The following NONO variants were observed in gnomAD, a reference collection of about 807,000 sequenced individuals.
NONO encodes non-POU domain containing octamer binding.
NONO carries 6 observed loss-of-function variants against 40.2 expected under a neutral mutation model. That is an observed-to-expected ratio of 0.15 (90% CI 0.08 to 0.29). NONO has a LOEUF of 0.29. NONO is among the 10% of genes least tolerant of loss of function. The pLI, the probability that NONO is intolerant of heterozygous loss-of-function variation, is 1.00. For missense variants in NONO, 133 were observed against 397.8 expected (o/e 0.33, Z 5.66); for synonymous variants, 89 against 123.3 (o/e 0.72, Z 1.85).
chrX:71,289,314 CAG>C (rs1377699924), intron 2 of NONO, among the ~76,000 whole-genome samples: 3 of 110,826 alleles, frequency 2.7e-5, no homozygotes, highest in African/African-American at 9.8e-5. Context: ...ATTTTCGAGA[CAG>C]AGTCTAGCTC....
chrX:71,298,802 G>A lies in NONO; in HGVS notation c.1267G>A (p.Gly423Arg). The A allele has an allele frequency of 8.3e-7, 1 of 1,201,158 alleles. No individual in the cohort carries two copies. The highest frequency in any genetic ancestry group is 1.1e-6 in the Non-Finnish European group (1 of 886,437). ...AGGACCTGCCACTATGATGCCGGAT[G>A]GAACTTTGGGATTGGTAATAAAACT... ...PPGPATMMPD[G>R]TLGLTPPTTE... The change falls in exon 11 of 12, where the codon GGA becomes AGA. Residue 423 changes from glycine (G) to arginine (R), a missense_variant. Around this residue, in one of 3 missense-constraint regions of NONO, gnomAD observed 73 missense variants for 162.2 expected, o/e 0.45. Coordinates refer to ENST00000276079, the MANE Select transcript of NONO (RefSeq NM_007363.5).
chrX:71,288,253 CCTGT>C (rs1055281975), intron 2 of NONO, among the ~76,000 whole-genome samples: 7 of 103,367 alleles, frequency 6.8e-5, no homozygotes, highest in Admixed American at 3.3e-4. Flanking sequence ...TGCTATCATG[CCTGT>C]CTAATTTTTT....
At chrX:71,288,475 TCCG>T (rs2031251458) in intron 2 of NONO, among the ~76,000 whole-genome samples, 1 of 111,682 alleles carries the variant, frequency 9.0e-6, no homozygotes, top group South Asian at 3.7e-4. Flanking sequence ...CACGGCAACC[TCCG>T]CCTCCCAGGT....
intron 4 of NONO, chrX:71,292,248 C>T (rs1160034450): frequency 1.2e-5 from 2 of 161,162 alleles, no homozygotes; most frequent in Non-Finnish European, 2.3e-5. Flanking sequence ...CCCAGGCTGG[C>T]GTGCAGTGGC....
chrX:71,288,119 C>CTTTTTTTTTTTTTTTT (rs41517053), intron 2 of NONO, among the ~76,000 whole-genome samples: 9 of 53,862 alleles, frequency 1.7e-4, no homozygotes, highest in African/African-American at 4.1e-4. Context: ...TTATTTTTAT[C>CTTTTTTTTTTTTTTTT]TTTTTTTTTT....
chrX:71,284,737 G>C (rs1211134575), intron 2 of NONO, among the ~76,000 whole-genome samples: 1 of 111,696 alleles, frequency 9.0e-6, no homozygotes, highest in African/African-American at 3.3e-5. Flanking sequence ...CAGCTTTCAG[G>C]CTGGCCATCC....
intron 8 of NONO, 51 bp from the exon 9 acceptor site, chrX:71,297,785 G>A: frequency 3.1e-6 from 3 of 966,433 alleles, no homozygotes; most frequent in Non-Finnish European, 4.4e-6. Flanking sequence ...CTGTTAATCT[G>A]CTCAAGTTCT....
At chrX:71,297,984 A>T in intron 9 of NONO, 46 bp downstream of exon 9, 1 of 866,319 alleles carries the variant, frequency 1.2e-6, no homozygotes, top group Non-Finnish European at 1.7e-6. Flanking sequence ...GTCCTGATAA[A>T]CTCACCATGA....
chrX:71,296,821 AAGTT>A (rs1274087348), intron 6 of NONO, 26 bp from the exon 7 acceptor site: 11 of 1,176,716 alleles, frequency 9.3e-6, no homozygotes, highest in African/African-American at 3.6e-5. Context: ...ATTCTGGACA[AAGTT>A]AGTAACCTAG....
In NONO at chrX:71,296,950, G is replaced by A. The variant is rs768900398; in HGVS notation, c.846G>A (p.Gln282=). 8.3e-7 allele frequency: 1 copy of A among 1,210,157 alleles called. No homozygotes were observed. The highest frequency in any genetic ancestry group is 3.0e-5 in the East Asian group (1 of 33,844). The change falls in exon 7 of 12, where the codon CAG becomes CAA. Residue 282 remains glutamine, a synonymous_variant. Coordinates refer to ENST00000276079, the MANE Select transcript of NONO (RefSeq NM_007363.5). ...KALIEMEKQQ[Q]DQVDRNIKEA... is the part of the protein sequence containing the mutation. ...TCATTGAGATGGAGAAGCAGCAGCA[G>A]GACCAAGTGGACCGCAACATCAAGG... is the stretch of plus-strand genomic sequence containing the variant.
chrX:71,288,320 C>CT (rs1238114478), intron 2 of NONO, among the ~76,000 whole-genome samples: 20 of 109,470 alleles, frequency 1.8e-4, no homozygotes, highest in African/African-American at 6.3e-4. Context: ...AGGCTGGTCT[C>CT]TAACTACTGG....
At chrX:71,295,716 G>A (rs1275507228) in intron 5 of NONO, among the ~76,000 whole-genome samples, 4 of 110,183 alleles carry the variant, frequency 3.6e-5, no homozygotes, top group South Asian at 7.7e-4. Context: ...ACTTGAACCC[G>A]GGAGGCAGAG....
chrX:71,294,172 C>T, intron 4 of NONO, 55 bp from the exon 5 acceptor site: 2 of 1,122,631 alleles, frequency 1.8e-6, no homozygotes, highest in South Asian at 3.8e-5. Flanking sequence ...CTGTTGATGG[C>T]TGCTAAGGTG....
At chrX:71,286,203 G>A (rs1156492734) in intron 2 of NONO, among the ~76,000 whole-genome samples, 1 of 111,291 alleles carries the variant, frequency 9.0e-6, no homozygotes, top group African/African-American at 3.3e-5. Context: ...TAACATTAAT[G>A]AGAAACAAAA....
chrX:71,296,101 AT>A, intron 5 of NONO, among the ~76,000 whole-genome samples: 1 of 104,367 alleles, frequency 9.6e-6, no homozygotes, highest in Non-Finnish European at 2.0e-5. Flanking sequence ...CTAAGTCCTG[AT>A]TTCGTCCTGT....
At chrX:71,284,188 T>G (rs2148025283) in intron 1 of NONO, 1 of 112,578 alleles carries the variant, frequency 8.9e-6, no homozygotes, top group East Asian at 2.8e-4. Context: ...GCTGGAAAGT[T>G]CCTCTGCATA....
Position 71,294,223 on chromosome X carries a change from C to G in NONO, c.349-4C>G. On this transcript the variant is annotated splice_region_variant and splice_polypyrimidine_tract_variant and intron_variant, in intron 4 of 11. Transcript: ENST00000276079. Reference sequence around the variant, plus strand: ...AGTTATTCTGATTTTCCTCTGCTTCCTAGGAAACCCGAACCCTAGCGGAGA... The same window carrying G: ...AGTTATTCTGATTTTCCTCTGCTTCGTAGGAAACCCGAACCCTAGCGGAGA... The G allele has an allele frequency of 8.3e-7, 1 of 1,209,257 alleles. No homozygotes were observed. The highest frequency in any genetic ancestry group is 1.1e-6 in the Non-Finnish European group (1 of 893,631).
intron 4 of NONO, chrX:71,293,881 C>T (rs368039504): frequency 5.5e-5 from 11 of 201,231 alleles, no homozygotes; most frequent in East Asian, 1.0e-4. Context: ...CCACCCGCCT[C>T]GGCCTCCCAA....
At position 71,298,826 on chromosome X, in the gene NONO, C is replaced by T. The variant is rs370692905; in HGVS notation, c.1281+10C>T. 23 of 1,130,153 alleles carry T rather than the reference C, an allele frequency of 2.0e-5. No individual in the cohort carries two copies. In the African/African-American group the frequency reaches 3.6e-4, roughly 18 times the overall value. 93.1% of individuals were successfully genotyped at this position (1,130,153 alleles called of 1,213,427 possible). On this transcript the variant is annotated intron_variant, in intron 11 of 11. Transcript: ENST00000276079. The stretch of plus-strand genomic sequence containing the variant: ...TGGAACTTTGGGATTGGTAATAAAA[C>T]TGCAGTGCCTTAACAGTAATTCTAA...
Sources: allele counts gnomAD v4.1 joint callset (sites outside exome capture counted in the v4.1 genomes callset), GRCh38; gene constraint gnomAD v4.1.1; regional missense constraint gnomAD v4.1.1; transcripts MANE v1.5; gene names NCBI Gene and HGNC (gene_info 2026-07-23, HGNC 2026-07-21).